The following SPATS2 variants were observed in gnomAD, a reference collection of about 807,000 sequenced individuals.
SPATS2 encodes the protein spermatogenesis-associated serine-rich protein 2.
A neutral mutation model predicts 63.7 loss-of-function variants in SPATS2; 38 were observed. The observed-to-expected ratio is 0.60, with a 90% confidence interval of 0.46 to 0.78. The LOEUF (loss-of-function observed/expected upper bound fraction) is 0.78. SPATS2 is among the 30% of genes least tolerant of loss of function. The pLI is 0.00. For missense variants in SPATS2, 588 were observed against 666.2 expected, an observed-to-expected ratio of 0.88 and a Z score of 1.29; for synonymous variants, 207 against 232.9, an observed-to-expected ratio of 0.89 and a Z score of 1.01.
At chr12:49,479,685 C>T (rs1051768154) in intron 3 of SPATS2, among the ~76,000 whole-genome samples, 4 of 152,148 alleles carry the variant, frequency 2.6e-5, no homozygotes, top group Non-Finnish European at 4.4e-5. Context: ...GTGTGTATCC[C>T]TGCTGGCCTG....
chr12:49,409,592 ATTTTTTT>A (rs753378038), intron 2 of SPATS2, among the ~76,000 whole-genome samples: 30 of 73,546 alleles, frequency 4.1e-4, no homozygotes, highest in East Asian at 3.0e-3. Context: ...GTGCCCAGCA[ATTTTTTT>A]TTTTTTTTTT....
In SPATS2 at chr12:49,461,150, T is replaced by A; in HGVS notation, c.25+113T>A. The A allele has an allele frequency of 2.8e-6, 3 of 1,071,446 alleles. 1 individual carries two copies. In the South Asian group the frequency reaches 4.3e-5, roughly 16 times the overall value. 66.4% of individuals were successfully genotyped at this position (1,071,446 alleles called of 1,614,324 possible). A position where few individuals can be genotyped will look rare whatever the true frequency, so the allele number is the denominator to read the frequency against. ...TGTGTTTTGAATGGTTTTACAAGTA[T>A]TTATGGATATTAGATTATCGCTTTG... On this transcript the variant is annotated intron_variant, in intron 3 of 13. Coordinates refer to ENST00000552918, the MANE Select transcript of SPATS2 (RefSeq NM_023071.4).
intron 2 of SPATS2, among the ~76,000 whole-genome samples, chr12:49,429,436 G>T (rs1241468207): frequency 6.6e-6 from 1 of 151,956 alleles, no homozygotes; most frequent in East Asian, 1.9e-4. Context: ...TCACCATTTT[G>T]ACCTGAGGAA....
intron 11 of SPATS2, 23 bp from the exon 12 acceptor site, chr12:49,522,728 G>GC (rs745445534): frequency 6.3e-7 from 1 of 1,590,138 alleles, no homozygotes; most frequent in Non-Finnish European, 8.6e-7. Flanking sequence ...TAACCTGGAG[G>GC]CCTTTCTTTG....
chr12:49,481,594 A>G (rs750359632), intron 3 of SPATS2, among the ~76,000 whole-genome samples: 2 of 147,732 alleles, frequency 1.4e-5, no homozygotes, highest in Non-Finnish European at 3.0e-5. Flanking sequence ...CAGCCTCCCC[A>G]GTAGCTGGAA....
At chr12:49,491,540 TC>T (rs1242083167) in intron 6 of SPATS2, among the ~76,000 whole-genome samples, 3 of 151,830 alleles carry the variant, frequency 2.0e-5, no homozygotes, top group Non-Finnish European at 4.4e-5. Flanking sequence ...TGAAACCTGA[TC>T]TCAAAAAAAA....
chr12:49,444,535 T>C (rs1326411310), intron 2 of SPATS2, among the ~76,000 whole-genome samples: 1 of 151,982 alleles, frequency 6.6e-6, no homozygotes, highest in Non-Finnish European at 1.5e-5. Flanking sequence ...CGTGATGCTA[T>C]TGTGAATGTA....
chr12:49,385,875 T>TTTTTTG (rs1272553630), intron 2 of SPATS2, among the ~76,000 whole-genome samples: 12 of 117,128 alleles, frequency 1.0e-4, no homozygotes, highest in Non-Finnish European at 1.6e-4. Context: ...TTGTTTTTTG[T>TTTTTTG]TTTTTTTTTT....
chr12:49,507,235 G>C (rs937900196), intron 9 of SPATS2, among the ~76,000 whole-genome samples: 1 of 152,122 alleles, frequency 6.6e-6, no homozygotes, highest in Non-Finnish European at 1.5e-5. Flanking sequence ...TTAAAGGCAG[G>C]GCCACTGTGG....
chr12:49,526,439 A>AT lies in SPATS2; in HGVS notation c.*192dup, dbSNP rs1442939728. 24 of 736,016 alleles carry AT rather than the reference A, an allele frequency of 3.3e-5. No individual in the cohort carries two copies. Among genetic ancestry groups the AT allele is most frequent in the Non-Finnish European group, 4.6e-5 (22 of 474,110 alleles). 45.6% of individuals were successfully genotyped at this position (736,016 alleles called of 1,614,324 possible). On this transcript the variant is annotated 3_prime_UTR_variant, in exon 14 of 14. Coordinates refer to ENST00000552918, the MANE Select transcript of SPATS2 (RefSeq NM_023071.4). ...CTTTACCATTTTTGGAGGGGAAGCT[A>AT]TTTTTTTTCCTTGATCTTTCCCAGT...
chr12:49,448,394 C>T (rs1351980749), intron 2 of SPATS2, among the ~76,000 whole-genome samples: 1 of 152,014 alleles, frequency 6.6e-6, no homozygotes, highest in Admixed American at 6.5e-5. Flanking sequence ...CCGCCTTGGC[C>T]TCCCAAAGTG....
chr12:49,520,546 T>A (rs896700058), intron 11 of SPATS2, among the ~76,000 whole-genome samples: 2 of 152,168 alleles, frequency 1.3e-5, no homozygotes. Context: ...ATAGTGAACT[T>A]CACAGTGGCA....
At position 49,502,337 on chromosome 12, in the gene SPATS2, A is replaced by G. The variant is rs189372149; in HGVS notation, c.839+2132A>G. On this transcript the variant is annotated intron_variant, in intron 9 of 13. Transcript: ENST00000552918. ...TGCCTCCAAAAAGTTAAATCATCAG[A>G]ACCAAAACTTACTTTGGGGCTAGAT... Among the ~76,000 whole-genome samples the G allele has an allele frequency of 8.7e-4, 132 of 152,334 alleles. 2 individuals carry two copies. The highest frequency in any genetic ancestry group is 7.3e-3 in the Admixed American group (112 of 15,294).
chr12:49,502,177 C>T (rs1352497444), intron 9 of SPATS2, among the ~76,000 whole-genome samples: 1 of 152,124 alleles, frequency 6.6e-6, no homozygotes, highest in East Asian at 1.9e-4. Flanking sequence ...TCAGGTTATA[C>T]CTAACTGTGT....
intron 2 of SPATS2, among the ~76,000 whole-genome samples, chr12:49,399,184 C>G (rs1944563549): frequency 6.6e-6 from 1 of 150,716 alleles, no homozygotes; most frequent in Non-Finnish European, 1.5e-5. Flanking sequence ...TTTCAGGGTT[C>G]ATTTTCATCA....
chr12:49,435,022 CTTTTTTT>C (rs776284070), intron 2 of SPATS2, among the ~76,000 whole-genome samples: 1 of 114,056 alleles, frequency 8.8e-6, no homozygotes, highest in African/African-American at 3.2e-5. Flanking sequence ...AACTGAATGG[CTTTTTTT>C]TTTTTTTTTT....
chr12:49,489,037 A>G (rs763028876), intron 4 of SPATS2, among the ~76,000 whole-genome samples: 11 of 152,230 alleles, frequency 7.2e-5, no homozygotes, highest in Non-Finnish European at 1.2e-4. Context: ...TCTTTATTTT[A>G]CAGTTAAATG....
In SPATS2 at chr12:49,522,848, G is replaced by T; in HGVS notation, c.1106G>T (p.Gly369Val). 1 of 1,612,834 alleles carries T rather than the reference G, an allele frequency of 6.2e-7. No homozygotes were observed. The highest frequency in any genetic ancestry group is 8.5e-7 in the Non-Finnish European group (1 of 1,179,124). Residue 369 changes from glycine to valine, a missense_variant, in exon 12 of 14, where the codon GGA (glycine) becomes GTA (valine). Gly to Val is a moderately radical substitution (Grantham distance 109). Coordinates refer to ENST00000552918, the MANE Select transcript of SPATS2 (RefSeq NM_023071.4). ...ETLKKSIDSF[G>V]QVSHPKNSYS... ...CTAAAGAAGAGCATTGATTCATTTG[G>T]ACAAGGTGAGATGGTGAGAGGGTCT...
chr12:49,412,249 C>CA (rs1944810208), intron 2 of SPATS2, among the ~76,000 whole-genome samples: 1 of 152,072 alleles, frequency 6.6e-6, no homozygotes, highest in African/African-American at 2.4e-5. Context: ...GGCTGGAATG[C>CA]AGTGGCGCCG....
Sources: allele counts gnomAD v4.1 joint callset (sites outside exome capture counted in the v4.1 genomes callset), GRCh38; gene constraint gnomAD v4.1.1; transcripts MANE v1.5; gene names NCBI Gene and HGNC (gene_info 2026-07-23, HGNC 2026-07-21).